Variants in LAMA5 observed in about 807,000 individuals in gnomAD.
LAMA5 encodes laminin subunit alpha 5.
Under a neutral mutation model 433.4 loss-of-function variants are expected in LAMA5, and 260 were observed. The observed-to-expected ratio is 0.60, with a 90% CI of 0.54 to 0.66. LAMA5 has a LOEUF of 0.66. LAMA5 is among the 30% of genes least tolerant of loss of function. The pLI is 0.00. For missense variants in LAMA5, 5,378 were observed against 5,258.5 expected (o/e 1.02, Z -0.70); for synonymous variants, 2,620 against 2,226.6 (o/e 1.18, Z -4.97).
At chr20:62,327,695 G>C (rs554155472) in intron 36 of LAMA5, 26 bp from the exon 37 acceptor site, 1 of 1,605,462 alleles carries the variant, frequency 6.2e-7, no homozygotes, top group East Asian at 2.2e-5. Flanking sequence ...CAGTGAGAGT[G>C]GTCGGCAGGT....
chr20:62,322,837 A>C (rs1601322036), intron 45 of LAMA5, 79 bp from the exon 46 acceptor site: 1 of 898,118 alleles, frequency 1.1e-6, no homozygotes, highest in South Asian at 1.8e-5. Context: ...CTAAGCCCTC[A>C]CTTCACTGCC....
At chr20:62,353,467 C>T (rs1984684722) in intron 2 of LAMA5, 2 of 494,002 alleles carry the variant, frequency 4.0e-6, no homozygotes, top group Middle Eastern at 5.2e-4. Context: ...ACCAGCCCTC[C>T]TGGAAGGGCT....
In LAMA5 at chr20:62,337,844, C is replaced by T. The variant is rs764928099; in HGVS notation, c.1986G>A (p.Gln662=). 2 of 1,612,782 alleles carry T rather than the reference C, an allele frequency of 1.2e-6. No individual in the cohort carries two copies. The highest frequency in any genetic ancestry group is 4.5e-5 in the East Asian group (2 of 44,888). ...AGCCGTGAAAGCCGGGGCTGCATTCCTGGCAGGCAGTGCCTGTGTAGCCGG... is the reference window on the plus strand; with the variant it reads ...AGCCGTGAAAGCCGGGGCTGCATTCTTGGCAGGCAGTGCCTGTGTAGCCGG... ...CRPGYTGTAC[Q]ECSPGFHGFP... is the part of the protein sequence containing the mutation. The change falls in exon 15 of 80, where the codon CAG becomes CAA. Residue 662 remains glutamine (Q), a synonymous_variant. Transcript: ENST00000252999.
In LAMA5 at chr20:62,338,041, G is replaced by A; in HGVS notation, c.1866C>T (p.Gly622=). The A allele has an allele frequency of 6.2e-7, 1 of 1,601,700 alleles. No individual in the cohort carries two copies. ...CTTGGCAGTTGGGGAAACCATGGTA[G>A]CCAGGGCGGCACCGGTCACAATGAG... ...AGPHCDRCRP[G]YHGFPNCQAC... is the part of the protein sequence containing the mutation. The change falls in exon 14 of 80, where the codon GGC becomes GGT. Residue 622 remains glycine, a synonymous_variant. Transcript: ENST00000252999.
At chr20:62,353,346 A>G (rs1984661979) in intron 2 of LAMA5, 95 bp from the exon 3 acceptor site, 2 of 883,044 alleles carry the variant, frequency 2.3e-6, no homozygotes, top group African/African-American at 3.4e-5. Flanking sequence ...GTGAGGCCAC[A>G]GCAGGGGATG....
rs559148247 is a variant in LAMA5 at position 62,321,997 on chromosome 20, A to T, written c.6496+22T>A. On this transcript the variant is annotated intron_variant, in intron 48 of 79. Transcript: ENST00000252999. ...GATTCCTACTCCATCAGGTGTGGGG[A>T]AGTGGGGTGTTGAGGACACACCTTC... 12 of 1,594,528 alleles carry T rather than the reference A, an allele frequency of 7.5e-6. No homozygotes were observed. In the South Asian group the frequency reaches 1.2e-4, roughly 16 times the overall value.
chr20:62,325,871 T>C (rs1358839272), intron 40 of LAMA5, among the ~76,000 whole-genome samples: 1 of 152,178 alleles, frequency 6.6e-6, no homozygotes, highest in East Asian at 1.9e-4. Flanking sequence ...CAAAAACGCT[T>C]GCTGCCAAGG....
At position 62,327,463 on chromosome 20, in the gene LAMA5, C is replaced by T. The variant is rs1979504552; in HGVS notation, c.4939-57G>A. The T allele has an allele frequency of 8.1e-6, 13 of 1,604,550 alleles. No homozygotes were observed. The Admixed American group carries it at 2.2e-4, about 27-fold the overall frequency. On this transcript the variant is annotated intron_variant, in intron 37 of 79. Transcript: ENST00000252999. ...TGGATGCCCACACATCACAGGGCCC[C>T]ATCTTGCATCCAGTCCCACCTAAGA...
intron 6 of LAMA5, among the ~76,000 whole-genome samples, chr20:62,347,754 C>CAG (rs1373753147): frequency 2.0e-5 from 3 of 152,208 alleles, no homozygotes; most frequent in Non-Finnish European, 4.4e-5. Context: ...TCAGGCTCTG[C>CAG]CGGAGGCTGC....
At position 62,324,224 on chromosome 20, in the gene LAMA5, C is replaced by G. The variant is rs765320811; in HGVS notation, c.5644-20G>C. The stretch of plus-strand genomic sequence containing the variant: ...GCAGTCCTGGGGCAGAGTGGACAGT[C>G]AGAGCTATGGTGGACACCCACATCC... On this transcript the variant is annotated intron_variant, in intron 42 of 79. Coordinates refer to ENST00000252999, the MANE Select transcript of LAMA5 (RefSeq NM_005560.6). The surrounding 1 kb of genome is among the most constrained non-coding windows in gnomAD (Gnocchi z 4.4). 17 of 1,577,740 alleles carry G rather than the reference C, an allele frequency of 1.1e-5. 1 individual carries two copies. In the South Asian group the frequency reaches 1.5e-4, roughly 14 times the overall value.
At chr20:62,329,749 C>T in intron 32 of LAMA5, 28 bp downstream of exon 32, 2 of 1,610,980 alleles carry the variant, frequency 1.2e-6, no homozygotes, top group Middle Eastern at 1.7e-4. Context: ...ACAGCTGGTC[C>T]CTGAGCAGGA....
chr20:62,314,847 A>G lies in LAMA5; in HGVS notation c.8148T>C (p.Ile2716=), dbSNP rs1243987227. The part of the protein sequence containing the change: ...HNASLALSAS[I]GRVRELIAQA... ...GGGCAATGAGCTCTCGCACGCGGCC[A>G]ATGCTGGCGGACAGGGCCAGGCTGG... is the stretch of plus-strand genomic sequence containing the variant. Residue 2716 remains isoleucine, a synonymous_variant, in exon 60 of 80, where the codon ATT becomes ATC. Coordinates refer to ENST00000252999, the MANE Select transcript of LAMA5 (RefSeq NM_005560.6). 1.2e-6 allele frequency: 2 copies of G among 1,612,722 alleles called. No homozygotes were observed. Among genetic ancestry groups the G allele is most frequent in the Non-Finnish European group, 8.5e-7 (1 of 1,179,910 alleles).
chr20:62,352,981 A>T, intron 3 of LAMA5, 153 bp downstream of exon 3: 1 of 590,688 alleles, frequency 1.7e-6, no homozygotes. Context: ...AATCCCCATG[A>T]GCCTTCGGGT....
At position 62,316,664 on chromosome 20, in the gene LAMA5, C is replaced by T. The variant is rs754099066; in HGVS notation, c.7756+7G>A. 2.5e-6 allele frequency: 4 copies of T among 1,573,192 alleles called. No individual in the cohort carries two copies. The highest frequency in any genetic ancestry group is 1.8e-5 in the Admixed American group (1 of 56,270). On this transcript the variant is annotated splice_region_variant and intron_variant, in intron 57 of 79. Transcript: ENST00000252999. ...CCTAAGGGCCCCCATCGGAGCCCAG[C>T]ACTCACCAAGGCCCAGCCTCTGCTG... is the stretch of plus-strand genomic sequence containing the variant.
chr20:62,331,199 TG>T (rs1232738394), intron 28 of LAMA5, 70 bp from the exon 29 acceptor site: 60 of 215,236 alleles, frequency 2.8e-4, no homozygotes, highest in Middle Eastern at 2.6e-3. Context: ...GGCGGTACGA[TG>T]GGGGGGTGCA....
intron 27 of LAMA5, 37 bp from the exon 28 acceptor site, chr20:62,332,517 C>G (rs748193845): frequency 6.2e-7 from 1 of 1,607,806 alleles, no homozygotes; most frequent in Admixed American, 1.7e-5. Context: ...GGGGCAGCCC[C>G]GGGCGTGCCC....
intron 28 of LAMA5, 48 bp downstream of exon 28, chr20:62,332,324 T>C: frequency 3.7e-6 from 5 of 1,361,044 alleles, no homozygotes; most frequent in Non-Finnish European, 5.3e-6. Flanking sequence ...GTTTCAAATC[T>C]TCTGAAAGAA....
Position 62,310,043 on chromosome 20 carries a change from G to A in LAMA5, c.10773C>T (p.Ser3591=). 1.9e-6 allele frequency: 3 copies of A among 1,611,358 alleles called. No individual in the cohort carries two copies. Among genetic ancestry groups the A allele is most frequent in the African/African-American group, 2.7e-5 (2 of 75,022 alleles). The change falls in exon 78 of 80, where the codon TCC becomes TCT. Residue 3591 remains serine, a synonymous_variant. Coordinates refer to ENST00000252999, the MANE Select transcript of LAMA5 (RefSeq NM_005560.6). The part of the protein sequence containing the change: ...LRADDGAGEF[S]TSVTRPSVLC... ...GCACTGAGGGGCGGGTCACTGACGT[G>A]GAGAACTCCCCTGCTCCGTCATCCG...
chr20:62,324,150 C>G lies in LAMA5; in HGVS notation c.5698G>C (p.Val1900Leu), dbSNP rs2427283. The change falls in exon 43 of 80, where the codon GTG becomes CTG. Residue 1900 changes from valine to leucine, a missense_variant. Physicochemically the swap from Val to Leu is conservative, Grantham distance 32 (BLOSUM62 1). Transcript: ENST00000252999. The surrounding 1 kb of genome is among the most constrained non-coding windows in gnomAD (Gnocchi z 4.4). ...GCGCTGGGGTCGTCCCTGCTGCTCA[C>G]GAAGCCAGCCTGGCAGCGCTCACAG... ...AHCERCQAGF[V>L]SSRDDPSAPC... The G allele has an allele frequency of 6.4e-7, 1 of 1,556,788 alleles. No homozygotes were observed. Among genetic ancestry groups the G allele is most frequent in the South Asian group, 1.2e-5 (1 of 82,346 alleles).
Sources: gnomAD v4.1 joint callset for allele counts (sites outside exome capture counted in the v4.1 genomes callset) on GRCh38, gnomAD v4.1.1 for gene constraint, Gnocchi (gnomAD v3.1) non-coding constraint, MANE v1.5 for transcripts, NCBI Gene and HGNC (gene_info 2026-07-23, HGNC 2026-07-21) for gene names.